The following CILP2 variants were observed in gnomAD, a reference collection of about 807,000 sequenced individuals.
CILP2 encodes cartilage intermediate layer protein 2.
CILP2 carries 38 observed loss-of-function variants against 45.6 expected under a neutral mutation model. That is an observed-to-expected ratio of 0.83 (90% CI 0.64 to 1.09). The LOEUF is 1.09. CILP2 is among the 50% of genes least tolerant of loss of function. The pLI, the probability that CILP2 is intolerant of heterozygous loss-of-function variation, is 0.00. For missense variants in CILP2, 1,735 were observed against 1,662.2 expected (o/e 1.04, Z -0.76); for synonymous variants, 780 against 723.5 (o/e 1.08, Z -1.25).
intron 1 of CILP2, 96 bp downstream of exon 1, chr19:19,538,509 G>T: frequency 9.9e-7 from 1 of 1,008,750 alleles, no homozygotes; most frequent in African/African-American, 1.7e-5. Context: ...AGAACCCAGG[G>T]ACCCACGCGC....
In CILP2 at chr19:19,544,312, C is replaced by A. The variant is rs149850801; in HGVS notation, c.1767C>A (p.Gly589=). The A allele has an allele frequency of 3.7e-6, 6 of 1,612,626 alleles. No homozygotes were observed. The Admixed American group carries it at 8.3e-5, about 22-fold the overall frequency. The part of the protein sequence containing the change: ...APLGELVLPS[G]AFRRADGKPY... ...TGGGCGAGCTGGTCCTGCCTTCTGG[C>A]GCTTTCCGCAGAGCCGACGGCAAAC... is the stretch of plus-strand genomic sequence containing the variant. Residue 589 remains glycine (G), a synonymous_variant, in exon 8 of 8, where the codon GGC becomes GGA. Transcript: ENST00000291495.
rs923206486 is a variant in CILP2, at chr19:19,546,260, C to T, written c.*244C>T. 3 of 367,306 alleles carry T rather than the reference C, an allele frequency of 8.2e-6. No individual in the cohort carries two copies. The highest frequency in any genetic ancestry group is 4.2e-5 in the Admixed American group (1 of 23,734). 22.8% of individuals were successfully genotyped at this position (367,306 alleles called of 1,614,324 possible). ...GACTCTGGGGCCAGCACCCAGGGGA[C>T]GACGTTCAACCCTAGCCTGAAGGGA... On this transcript the variant is annotated 3_prime_UTR_variant, in exon 8 of 8. Coordinates refer to ENST00000291495, the MANE Select transcript of CILP2 (RefSeq NM_153221.2).
chr19:19,539,628 C>T, intron 1 of CILP2, 51 bp from the exon 2 acceptor site: 5 of 1,348,662 alleles, frequency 3.7e-6, no homozygotes, highest in South Asian at 1.5e-5. Flanking sequence ...AGGCTCCCAG[C>T]GGTCCCCATC....
chr19:19,544,208 C>A lies in CILP2; in HGVS notation c.1663C>A (p.Arg555=), dbSNP rs771137541. 1.8e-5 allele frequency: 29 copies of A among 1,613,734 alleles called. No individual in the cohort carries two copies. Among genetic ancestry groups the A allele is most frequent in the Non-Finnish European group, 2.4e-5 (28 of 1,179,950 alleles). The change falls in exon 8 of 8, where the codon CGG becomes AGG. Residue 555 remains arginine (R), a synonymous_variant. Coordinates refer to ENST00000291495, the MANE Select transcript of CILP2 (RefSeq NM_153221.2). ...CGTGTACCACGAGGTCAAGGCCATG[C>A]GGAAGAAAGCCCCGGTCATTTTACA... ...AGVYHEVKAM[R]KKAPVILHTS...
Position 19,543,815 on chromosome 19 carries a change from G to A in CILP2, c.1270G>A (p.Ala424Thr). The A allele has an allele frequency of 6.2e-7, 1 of 1,613,760 alleles. No homozygotes were observed. The highest frequency in any genetic ancestry group is 8.5e-7 in the Non-Finnish European group (1 of 1,179,882). ...TCCCGACACCCGCTGCCCCAGCCTGGCAGGCTCCAGCCCCCGCTGCGGGGA... is the reference window on the plus strand; with the variant it reads ...TCCCGACACCCGCTGCCCCAGCCTGACAGGCTCCAGCCCCCGCTGCGGGGA... ...LCPDTRCPSLAGSSPRCGDAS... is the reference protein window; with the variant it reads ...LCPDTRCPSLTGSSPRCGDAS... The change falls in exon 8 of 8, where the codon GCA becomes ACA. Residue 424 changes from alanine (A) to threonine (T), a missense_variant. Ala to Thr is a moderately conservative substitution (Grantham distance 58, BLOSUM62 0). Coordinates refer to ENST00000291495, the MANE Select transcript of CILP2 (RefSeq NM_153221.2).
chr19:19,545,031 C>T lies in CILP2; in HGVS notation c.2486C>T (p.Pro829Leu), dbSNP rs771904018. 5 of 1,606,694 alleles carry T rather than the reference C, an allele frequency of 3.1e-6. No individual in the cohort carries two copies. Among genetic ancestry groups the T allele is most frequent in the African/African-American group, 1.3e-5 (1 of 74,884 alleles). Reference sequence around the variant, plus strand: ...GCCCCTTCCTTGCCCCGCCCACTCCCGGCCACCGTGGGCGTCACCCAGCCC... The same window carrying T: ...GCCCCTTCCTTGCCCCGCCCACTCCTGGCCACCGTGGGCGTCACCCAGCCC... ...EPAPSLPRPL[P>L]ATVGVTQPYL... Residue 829 changes from proline (P) to leucine (L), a missense_variant, in exon 8 of 8, where the codon CCG becomes CTG. Physicochemically the swap from Pro to Leu is moderately conservative, Grantham distance 98. Transcript: ENST00000291495.
intron 3 of CILP2, 141 bp from the exon 4 acceptor site, chr19:19,540,950 C>A: frequency 1.3e-6 from 1 of 796,214 alleles, no homozygotes; most frequent in Non-Finnish European, 1.7e-6. Flanking sequence ...GGGGCGATGG[C>A]AGATCTGCTC....
Position 19,540,207 on chromosome 19 carries a change from C to G in CILP2, c.167C>G (p.Ala56Gly), listed in dbSNP as rs762444390. ...PSPALEDWEE[A>G]SEWTSWFNVD... is the part of the protein sequence containing the mutation. ...CCAGCGCGTGCGGTGCCCGCAGAGG[C>G]CAGCGAGTGGACGTCCTGGTTCAAC... The change falls in exon 3 of 8, where the codon GCC (alanine) becomes GGC (glycine). Residue 56 changes from alanine to glycine, a missense_variant. By Grantham distance (60) the Ala-to-Gly change is moderately conservative. Transcript: ENST00000291495. The G allele has an allele frequency of 8.8e-6, 14 of 1,588,316 alleles. No homozygotes were observed. The highest frequency in any genetic ancestry group is 2.6e-6 in the Non-Finnish European group (3 of 1,170,640).
chr19:19,540,131 AG>A, intron 2 of CILP2, 72 bp from the exon 3 acceptor site: 1 of 1,438,802 alleles, frequency 7.0e-7, no homozygotes, highest in East Asian at 2.6e-5. Flanking sequence ...TGAGACAGCA[AG>A]TAAGGCCTTT....
rs780774545 is a variant in CILP2, at chr19:19,546,010, G to A, written c.3465G>A (p.Arg1155=). The change falls in exon 8 of 8, where the codon CGG becomes CGA. Residue 1155 remains arginine (R), a synonymous_variant. Transcript: ENST00000291495. ...GPLRTRRGRV[R]Q ...TCCGCACCCGCCGGGGTAGGGTCCG[G>A]CAGTGACCTGGGCAGGGGCCTCGCT... is the stretch of plus-strand genomic sequence containing the variant. The A allele has an allele frequency of 2.0e-6, 3 of 1,480,074 alleles. No homozygotes were observed. Among genetic ancestry groups the A allele is most frequent in the East Asian group, 4.7e-5 (2 of 42,348 alleles). The allele number at this position is 1,480,074 out of a possible 1,614,324, so 91.7% of individuals were successfully genotyped here. A position where few individuals can be genotyped will look rare whatever the true frequency, so the allele number is the denominator to read the frequency against.
At position 19,543,672 on chromosome 19, in the gene CILP2, T is replaced by C; in HGVS notation, c.1136-9T>C. The C allele has an allele frequency of 6.3e-7, 1 of 1,579,736 alleles. No individual in the cohort carries two copies. Among genetic ancestry groups the C allele is most frequent in the Middle Eastern group, 1.7e-4 (1 of 5,878 alleles). On this transcript the variant is annotated splice_polypyrimidine_tract_variant and intron_variant, in intron 7 of 7. Coordinates refer to ENST00000291495, the MANE Select transcript of CILP2 (RefSeq NM_153221.2). ...CCTGCCCTGACCTGCATGTTTTCTT[T>C]GTCCCCAGCCCCAGGCCAGCCAGCC... is the stretch of plus-strand genomic sequence containing the variant.
intron 6 of CILP2, 46 bp from the exon 7 acceptor site, chr19:19,543,202 C>A: frequency 6.3e-7 from 1 of 1,583,262 alleles, no homozygotes; most frequent in Non-Finnish European, 8.6e-7. Flanking sequence ...GGGGGCAACA[C>A]AGCCCCTCCC....
Position 19,544,312 on chromosome 19 carries a change from C to G in CILP2, c.1767C>G (p.Gly589=), listed in dbSNP as rs149850801. Residue 589 remains glycine, a synonymous_variant, in exon 8 of 8, where the codon GGC becomes GGG. Coordinates refer to ENST00000291495, the MANE Select transcript of CILP2 (RefSeq NM_153221.2). Reference sequence around the variant, plus strand: ...TGGGCGAGCTGGTCCTGCCTTCTGGCGCTTTCCGCAGAGCCGACGGCAAAC... The same window carrying G: ...TGGGCGAGCTGGTCCTGCCTTCTGGGGCTTTCCGCAGAGCCGACGGCAAAC... ...APLGELVLPS[G]AFRRADGKPY... is the part of the protein sequence containing the mutation. 4 of 1,612,626 alleles carry G rather than the reference C, an allele frequency of 2.5e-6. No homozygotes were observed. The highest frequency in any genetic ancestry group is 3.4e-6 in the Non-Finnish European group (4 of 1,179,976).
rs2061256599 is a variant in CILP2 at position 19,544,632 on chromosome 19, G to A, written c.2087G>A (p.Gly696Asp). The change falls in exon 8 of 8, where the codon GGC (glycine) becomes GAC (aspartate). Residue 696 changes from glycine (G) to aspartate (D), a missense_variant. Coordinates refer to ENST00000291495, the MANE Select transcript of CILP2 (RefSeq NM_153221.2). ...PETGLWEEES[G>D]FRREGSSGPR... ...ACCGGCTTGTGGGAGGAGGAGAGCG[G>A]CTTCCGGCGCGAGGGGTCCTCGGGC... 1.9e-6 allele frequency: 3 copies of A among 1,551,262 alleles called. No homozygotes were observed. The highest frequency in any genetic ancestry group is 8.6e-7 in the Non-Finnish European group (1 of 1,156,488).
chr19:19,544,255 C>T lies in CILP2; in HGVS notation c.1710C>T (p.Ile570=), dbSNP rs150610610. 1.2e-6 allele frequency: 2 copies of T among 1,613,640 alleles called. No homozygotes were observed. Among genetic ancestry groups the T allele is most frequent in the African/African-American group, 2.7e-5 (2 of 74,952 alleles). The change falls in exon 8 of 8, where the codon ATC becomes ATT. Residue 570 remains isoleucine, a synonymous_variant. Transcript: ENST00000291495. ...VILHTSQSNT[I]PLGELEDEAP... is the part of the protein sequence containing the mutation. ...TACATACCAGCCAGAGCAACACGAT[C>T]CCCCTGGGCGAGCTGGAAGATGAGG...
In CILP2 at chr19:19,544,469, A is replaced by G. The variant is rs762690556; in HGVS notation, c.1924A>G (p.Met642Val). ...GCTGGCTCCACTGCGCACCTACGGC[A>G]TGTTCTCCGTGGACCTCCGTGCGCC... ...GELAPLRTYG[M>V]FSVDLRAPGS... is the part of the protein sequence containing the mutation. Residue 642 changes from methionine to valine, a missense_variant, in exon 8 of 8, where the codon ATG becomes GTG. Coordinates refer to ENST00000291495, the MANE Select transcript of CILP2 (RefSeq NM_153221.2). The G allele has an allele frequency of 3.1e-6, 5 of 1,608,266 alleles. No individual in the cohort carries two copies. Among genetic ancestry groups the G allele is most frequent in the South Asian group, 1.1e-5 (1 of 91,022 alleles).
chr19:19,542,474 G>A lies in CILP2; in HGVS notation c.692G>A (p.Arg231Gln), dbSNP rs778001472. 9 of 1,613,478 alleles carry A rather than the reference G, an allele frequency of 5.6e-6. No individual in the cohort carries two copies. The highest frequency in any genetic ancestry group is 1.3e-5 in the African/African-American group (1 of 75,036). Residue 231 changes from arginine to glutamine, a missense_variant, in exon 5 of 8, where the codon CGA (arginine) becomes CAA (glutamine). Physicochemically the swap from Arg to Gln is conservative, Grantham distance 43 (BLOSUM62 1). Transcript: ENST00000291495. ...CTGCTAGGAGCCAGGGTCTCCCTGC[G>A]AGACCAGCCTGGCACTGTGGCCACC... ...QPLLGARVSL[R>Q]DQPGTVATSD... is the part of the protein sequence containing the mutation.
Position 19,545,060 on chromosome 19 carries a change from C to A in CILP2, c.2515C>A (p.Leu839Met), listed in dbSNP as rs753256231. 1.9e-5 allele frequency: 30 copies of A among 1,609,220 alleles called. No individual in the cohort carries two copies. The highest frequency in any genetic ancestry group is 2.5e-5 in the Non-Finnish European group (29 of 1,178,670). ...PATVGVTQPY[L>M]DRLGYRRTDH... ...CACCGTGGGCGTCACCCAGCCCTAC[C>A]TGGACAGGCTGGGGTACCGTCGGAC... The change falls in exon 8 of 8, where the codon CTG becomes ATG. Residue 839 changes from leucine to methionine, a missense_variant. By Grantham distance (15) the Leu-to-Met change is conservative. Transcript: ENST00000291495.
chr19:19,543,488 C>G, intron 7 of CILP2, 83 bp downstream of exon 7: 4 of 1,525,646 alleles, frequency 2.6e-6, no homozygotes, highest in Non-Finnish European at 3.6e-6. Context: ...CCAAATGGAG[C>G]CCCCACTTCA....
Sources: allele counts gnomAD v4.1 joint callset, GRCh38; gene constraint gnomAD v4.1.1; transcripts MANE v1.5; gene names NCBI Gene and HGNC (gene_info 2026-07-23, HGNC 2026-07-21).